CDH18: variants seen among roughly 807,000 people sequenced by gnomAD.
The protein encoded by CDH18 is cadherin 18.
A neutral mutation model predicts 67.9 loss-of-function variants in CDH18; 31 were observed. The ratio of observed to expected loss-of-function variants is 0.46; its 90% CI spans 0.34 to 0.62. The LOEUF (loss-of-function observed/expected upper bound fraction) is 0.62, where lower values mean the gene tolerates loss of function less well. Ranked by LOEUF, CDH18 falls within the 20% of genes least tolerant of loss-of-function variation. The pLI is 0.01. For synonymous variants in CDH18, 362 were observed against 347.2 expected (o/e 1.04, Z -0.48); for missense variants, 890 against 975.5 (o/e 0.91, Z 1.17).
intron 2 of CDH18, among the ~76,000 whole-genome samples, chr5:20,166,490 A>T (rs1364644398): frequency 6.6e-6 from 1 of 151,824 alleles, no homozygotes; most frequent in Non-Finnish European, 1.5e-5. Flanking sequence ...AAAGAAAAGA[A>T]AAGAAAAAGA....
chr5:20,291,835 C>T (rs1027072916), intron 1 of CDH18, among the ~76,000 whole-genome samples: 2 of 152,110 alleles, frequency 1.3e-5, no homozygotes, highest in Admixed American at 1.3e-4. Context: ...TCCTAAACTG[C>T]CTTTATTTTA....
intron 5 of CDH18, among the ~76,000 whole-genome samples, chr5:19,642,793 GA>G (rs1325609232): frequency 6.6e-6 from 1 of 151,860 alleles, no homozygotes; most frequent in African/African-American, 2.4e-5. Context: ...TTACCCCAAA[GA>G]CACAGGCAAC....
intron 8 of CDH18, among the ~76,000 whole-genome samples, chr5:19,557,545 T>A (rs916253184): frequency 1.3e-5 from 2 of 152,088 alleles, no homozygotes; most frequent in Non-Finnish European, 2.9e-5. Flanking sequence ...AGAGGGACTT[T>A]ATGTAATGAT....
chr5:19,804,251 G>A (rs1427961578), intron 3 of CDH18, among the ~76,000 whole-genome samples: 2 of 151,164 alleles, frequency 1.3e-5, no homozygotes, highest in Non-Finnish European at 2.9e-5. Context: ...GCAGTGAGCC[G>A]AGATCGCACC....
intron 8 of CDH18, among the ~76,000 whole-genome samples, chr5:19,556,260 C>G (rs1738398589): frequency 6.6e-6 from 1 of 151,596 alleles, no homozygotes; most frequent in African/African-American, 2.4e-5. Context: ...GCAATGGATC[C>G]AAACCAAGAC....
chr5:20,556,479 T>C (rs1005347400), intron 1 of CDH18, among the ~76,000 whole-genome samples: 1 of 152,164 alleles, frequency 6.6e-6, no homozygotes, highest in Admixed American at 6.6e-5. Flanking sequence ...TATTGAAGAC[T>C]ATTACATTAG....
chr5:19,775,381 G>C (rs1167859353), intron 3 of CDH18, among the ~76,000 whole-genome samples: 3 of 152,022 alleles, frequency 2.0e-5, no homozygotes, highest in African/African-American at 7.2e-5. Context: ...TCCACAGGCT[G>C]TACAGGAAGC....
chr5:19,924,375 G>A (rs144723388), intron 2 of CDH18, among the ~76,000 whole-genome samples: 6,792 of 152,000 alleles, frequency 0.045, 474 homozygotes, highest in African/African-American at 0.15. Flanking sequence ...GGTGGCTCAC[G>A]CCTATAATCC....
At chr5:20,390,197 A>G (rs1048266151) in intron 1 of CDH18, among the ~76,000 whole-genome samples, 1 of 151,978 alleles carries the variant, frequency 6.6e-6, no homozygotes, top group Non-Finnish European at 1.5e-5. Flanking sequence ...CAGAGTGAAC[A>G]GGCAACCTAC....
intron 2 of CDH18, among the ~76,000 whole-genome samples, chr5:19,887,835 G>A (rs4582277): frequency 2.6e-5 from 4 of 151,544 alleles, no homozygotes; most frequent in Admixed American, 6.6e-5. Flanking sequence ...GCCACCCAAA[G>A]TGTTGAGATT....
At chr5:20,102,529 G>A (rs1199977608) in intron 2 of CDH18, among the ~76,000 whole-genome samples, 2 of 152,200 alleles carry the variant, frequency 1.3e-5, no homozygotes, top group African/African-American at 2.4e-5. Flanking sequence ...GAGTGTCTGC[G>A]AGTTAGAACC....
At chr5:20,077,927 ATTAAAT>A (rs1412566176) in intron 2 of CDH18, among the ~76,000 whole-genome samples, 1 of 152,176 alleles carries the variant, frequency 6.6e-6, no homozygotes, top group African/African-American at 2.4e-5. Context: ...ATTAAATTAA[ATTAAAT>A]TTATTTTTCA....
chr5:20,302,689 G>A (rs1353082113), intron 1 of CDH18, among the ~76,000 whole-genome samples: 3 of 152,094 alleles, frequency 2.0e-5, no homozygotes, highest in South Asian at 2.1e-4. Flanking sequence ...CCACTGTACC[G>A]TCCGCAATTA....
chr5:19,969,005 C>T (rs1420267666), intron 2 of CDH18, among the ~76,000 whole-genome samples: 8 of 134,452 alleles, frequency 6.0e-5, no homozygotes, highest in Non-Finnish European at 1.1e-4. Context: ...AAGAAAAAAA[C>T]AAACAACCCC....
In CDH18 at chr5:19,943,374, A is replaced by G. The variant is rs80196179; in HGVS notation, c.-257+37686T>C. On this transcript the variant is annotated intron_variant, in intron 2 of 12. Coordinates refer to ENST00000382275, the MANE Select transcript of CDH18 (RefSeq NM_004934.5). ...TTCTCAAAGTGAATTGGGAGGAAAC[A>G]TGAAGCTAAATGTAATATTTCAAGG... is the stretch of plus-strand genomic sequence containing the variant. Among the ~76,000 whole-genome samples the G allele has an allele frequency of 9.8e-3, 1,492 of 152,238 alleles. 34 individuals carry two copies. Among genetic ancestry groups the G allele is most frequent in the African/African-American group, 0.034 (1,414 of 41,552 alleles).
At chr5:20,484,952 T>C (rs535448703) in intron 1 of CDH18, among the ~76,000 whole-genome samples, 140 of 152,216 alleles carry the variant, frequency 9.2e-4, no homozygotes, top group Non-Finnish European at 1.8e-3. Context: ...GGATTGTTTA[T>C]AACACAAAGA....
chr5:19,931,229 A>G (rs1180767522), intron 2 of CDH18, among the ~76,000 whole-genome samples: 1 of 151,930 alleles, frequency 6.6e-6, no homozygotes, highest in Non-Finnish European at 1.5e-5. Context: ...AGATTCTTCA[A>G]TGGCAATTTT....
At chr5:20,192,664 C>T (rs937940122) in intron 2 of CDH18, among the ~76,000 whole-genome samples, 26 of 151,844 alleles carry the variant, frequency 1.7e-4, no homozygotes, top group Admixed American at 1.1e-3. Flanking sequence ...TGGTTGTAGA[C>T]GTGTAGTGTT....
chr5:19,483,771 A>G (rs928897492), intron 11 of CDH18, among the ~76,000 whole-genome samples: 1 of 152,232 alleles, frequency 6.6e-6, no homozygotes, highest in African/African-American at 2.4e-5. Flanking sequence ...TAAAGATGAA[A>G]GAAAATAGTG....
Sources: gnomAD v4.1 joint callset for allele counts (sites outside exome capture counted in the v4.1 genomes callset) on GRCh38, gnomAD v4.1.1 for gene constraint, MANE v1.5 for transcripts, NCBI Gene and HGNC (gene_info 2026-07-23, HGNC 2026-07-21) for gene names.